UVRAG: variants seen among roughly 807,000 people sequenced by gnomAD.
UVRAG encodes the protein UV radiation resistance-associated gene protein.
UVRAG carries 19 observed loss-of-function variants against 78.0 expected under a neutral mutation model. That is an observed-to-expected ratio of 0.24 (90% CI 0.17 to 0.36). The LOEUF (loss-of-function observed/expected upper bound fraction) is 0.36. UVRAG is among the 10% of genes least tolerant of loss of function. UVRAG has a pLI of 1.00. For missense variants in UVRAG, 740 were observed against 853.8 expected (o/e 0.87, Z 1.66); for synonymous variants, 323 against 324.6 (o/e 1.00, Z 0.05).
At chr11:75,986,543 A>T (rs1346374567) in intron 8 of UVRAG, among the ~76,000 whole-genome samples, 1 of 152,202 alleles carries the variant, frequency 6.6e-6, no homozygotes, top group Admixed American at 6.5e-5. Flanking sequence ...ATTTCATTAC[A>T]CTAAAATTAG....
At chr11:75,829,785 A>G (rs1035147639) in intron 1 of UVRAG, among the ~76,000 whole-genome samples, 6 of 152,238 alleles carry the variant, frequency 3.9e-5, no homozygotes, top group Non-Finnish European at 8.8e-5. Flanking sequence ...TATTCCAGTA[A>G]AAGTTTAAGG....
At chr11:76,034,943 A>G (rs1008853993) in intron 12 of UVRAG, among the ~76,000 whole-genome samples, 21 of 152,324 alleles carry the variant, frequency 1.4e-4, no homozygotes, top group Admixed American at 1.3e-3. Flanking sequence ...TAAACACACC[A>G]ATAAGCAACG....
intron 6 of UVRAG, among the ~76,000 whole-genome samples, chr11:75,956,213 A>G (rs938079317): frequency 3.9e-5 from 6 of 152,140 alleles, no homozygotes; most frequent in Non-Finnish European, 5.9e-5. Context: ...TTTTCTATGA[A>G]CATTCTTATA....
chr11:75,876,614 G>A (rs919682045), intron 3 of UVRAG, among the ~76,000 whole-genome samples: 2 of 151,606 alleles, frequency 1.3e-5, no homozygotes, highest in African/African-American at 2.4e-5. Flanking sequence ...AAAACTGACT[G>A]CATAAATGTG....
chr11:75,992,343 G>A (rs1949624089), intron 8 of UVRAG, among the ~76,000 whole-genome samples: 1 of 152,116 alleles, frequency 6.6e-6, no homozygotes, highest in African/African-American at 2.4e-5. Context: ...GTCATGGAGG[G>A]TCACAATTGT....
At chr11:75,953,334 A>C (rs1288210896) in intron 6 of UVRAG, among the ~76,000 whole-genome samples, 2 of 152,182 alleles carry the variant, frequency 1.3e-5, no homozygotes, top group Non-Finnish European at 2.9e-5. Flanking sequence ...AATGTAATTA[A>C]ATCTTTCCCA....
intron 3 of UVRAG, among the ~76,000 whole-genome samples, chr11:75,868,222 G>A: frequency 6.6e-6 from 1 of 152,204 alleles, no homozygotes; most frequent in African/African-American, 2.4e-5. Flanking sequence ...AAGCTATATA[G>A]CTATTTCAGG....
At chr11:76,094,545 T>C (rs1310006944) in intron 13 of UVRAG, among the ~76,000 whole-genome samples, 4 of 152,210 alleles carry the variant, frequency 2.6e-5, no homozygotes, top group Non-Finnish European at 5.9e-5. Flanking sequence ...AGCCTGTTAA[T>C]TGGTCTATTC....
chr11:76,041,846 G>C (rs1950653561), intron 12 of UVRAG, among the ~76,000 whole-genome samples: 1 of 152,098 alleles, frequency 6.6e-6, no homozygotes. Flanking sequence ...AATTATAGTT[G>C]CTCTTGCGAT....
chr11:75,881,476 A>G (rs1189716213), intron 4 of UVRAG, among the ~76,000 whole-genome samples: 1 of 152,228 alleles, frequency 6.6e-6, no homozygotes, highest in Non-Finnish European at 1.5e-5. Context: ...AAGGCGGCAA[A>G]TCAGATATGC....
intron 14 of UVRAG, chr11:76,137,397 T>A (rs752375169): frequency 6.6e-6 from 3 of 456,264 alleles, no homozygotes; most frequent in South Asian, 4.6e-5. Context: ...AATGTTCATA[T>A]CAGTGGCCCA....
intron 13 of UVRAG, among the ~76,000 whole-genome samples, chr11:76,104,748 G>T (rs1324783521): frequency 6.6e-6 from 1 of 152,148 alleles, no homozygotes; most frequent in African/African-American, 2.4e-5. Flanking sequence ...TTCTTCTAAT[G>T]ATCCTGTCGG....
intron 12 of UVRAG, among the ~76,000 whole-genome samples, chr11:76,062,327 C>T (rs970489864): frequency 4.6e-5 from 7 of 152,140 alleles, no homozygotes; most frequent in Non-Finnish European, 1.0e-4. Context: ...TGGAGGCCGC[C>T]GTGTAACCCG....
intron 5 of UVRAG, among the ~76,000 whole-genome samples, chr11:75,891,044 A>G (rs575418639): frequency 3.3e-4 from 51 of 152,276 alleles, no homozygotes; most frequent in African/African-American, 1.2e-3. Context: ...AAGTTATTCA[A>G]GTGACTTCTT....
intron 5 of UVRAG, among the ~76,000 whole-genome samples, chr11:75,898,925 G>C (rs1023139577): frequency 2.6e-5 from 4 of 152,006 alleles, no homozygotes; most frequent in African/African-American, 9.7e-5. Flanking sequence ...GTCCCAAACA[G>C]TACGCAAGCA....
chr11:76,087,207 A>G lies in UVRAG; in HGVS notation c.1305+21419A>G, dbSNP rs930818949. ...GTGAATGTGTGTGTAGGTACATAGG[A>G]ATGCCAGTGAGAAAGTCAAACATAT... On this transcript the variant is annotated intron_variant, in intron 13 of 14. Coordinates refer to ENST00000356136, the MANE Select transcript of UVRAG (RefSeq NM_003369.4). 3.9e-5 allele frequency among the ~76,000 whole-genome samples: 6 copies of G among 152,348 alleles called. No homozygotes were observed. The South Asian group carries it at 6.2e-4, about 16-fold the overall frequency.
intron 13 of UVRAG, among the ~76,000 whole-genome samples, chr11:76,072,292 A>T (rs967950270): frequency 1.3e-5 from 2 of 152,210 alleles, no homozygotes; most frequent in African/African-American, 4.8e-5. Flanking sequence ...AGAAGAAGTC[A>T]TCAGTATGTC....
Position 76,142,097 on chromosome 11 carries a change from C to T in UVRAG, c.*684C>T, listed in dbSNP as rs1476404160. The T allele has an allele frequency of 6.6e-6, 1 of 152,292 alleles. No individual in the cohort carries two copies. The highest frequency in any genetic ancestry group is 1.9e-4 in the East Asian group (1 of 5,196). The allele number at this position is 152,292 out of a possible 1,614,324, so 9.4% of individuals were successfully genotyped here. On this transcript the variant is annotated 3_prime_UTR_variant, in exon 15 of 15. Coordinates refer to ENST00000356136, the MANE Select transcript of UVRAG (RefSeq NM_003369.4). ...CTCTTCTAACCAGCCATGGCCTTCC[C>T]CTCCTCTGCCATACCCTTAATGCGG...
intron 6 of UVRAG, among the ~76,000 whole-genome samples, chr11:75,951,222 C>T (rs1055104038): frequency 8.6e-5 from 13 of 151,852 alleles, no homozygotes; most frequent in African/African-American, 2.7e-4. Context: ...TCATTTATTT[C>T]CTATATACGT....
Sources: gnomAD v4.1 joint callset for allele counts (sites outside exome capture counted in the v4.1 genomes callset) on GRCh38, gnomAD v4.1.1 for gene constraint, MANE v1.5 for transcripts, NCBI Gene and HGNC (gene_info 2026-07-23, HGNC 2026-07-21) for gene names.